Variants in ERI3 observed in about 807,000 individuals in gnomAD.
ERI3 encodes the protein ERI1 exoribonuclease 3.
Under a neutral mutation model 44.4 loss-of-function variants are expected in ERI3, and 18 were observed. That is an observed-to-expected ratio of 0.41 (90% CI 0.28 to 0.60). ERI3 has a LOEUF of 0.60. Among genes scored for constraint, ERI3 ranks in the 20% least tolerant of loss-of-function variants. ERI3 has a pLI of 0.36. For missense variants in ERI3, 294 were observed against 435.5 expected (o/e 0.68, Z 2.89); for synonymous variants, 183 against 164.8 (o/e 1.11, Z -0.84).
rs1644439027 is a variant in ERI3 at position 44,241,713 on chromosome 1, CAG to C, written c.931+6224_931+6225del. Among the ~76,000 whole-genome samples, 1 of 152,090 alleles carries C rather than the reference CAG, an allele frequency of 6.6e-6. No individual in the cohort carries two copies. The highest frequency in any genetic ancestry group is 2.4e-5 in the African/African-American group (1 of 41,404). ...GTCTGCGATGGTTTGACAGGAGATA[CAG>C]AGAGAGACAAGGGGAGGCGAGGCCG... On this transcript the variant is annotated intron_variant, in intron 8 of 8. Transcript: ENST00000372257. This position sits in a 1 kb window ranked among gnomAD's most constrained non-coding sequence, Gnocchi z 5.6.
At chr1:44,350,714 A>T (rs1437123262) in intron 2 of ERI3, among the ~76,000 whole-genome samples, 1 of 152,218 alleles carries the variant, frequency 6.6e-6, no homozygotes, top group Non-Finnish European at 1.5e-5. Flanking sequence ...AGATTCAGTT[A>T]TACTCTTTTT....
intron 7 of ERI3, among the ~76,000 whole-genome samples, chr1:44,262,863 CCTCT>C (rs765086742): frequency 2.0e-5 from 3 of 152,200 alleles, no homozygotes; most frequent in Non-Finnish European, 2.9e-5. Flanking sequence ...TGCTTCCCTC[CCTCT>C]ATTTCCTGCC....
rs144027197 is a variant in ERI3 at position 44,331,262 on chromosome 1, T to C, written c.489+7783A>G. ...GAAGGGTCTAAACCTCCCTGGTCTA[T>C]TGAAGGTAGGTCCTAGCAGATCCAG... On this transcript the variant is annotated intron_variant, in intron 3 of 8. Coordinates refer to ENST00000372257, the MANE Select transcript of ERI3 (RefSeq NM_024066.3). Among the ~76,000 whole-genome samples, 406 of 152,282 alleles carry C rather than the reference T, an allele frequency of 2.7e-3. 1 individual carries two copies. Among genetic ancestry groups the C allele is most frequent in the African/African-American group, 8.8e-3 (364 of 41,548 alleles).
At chr1:44,335,988 C>G (rs1206651263) in intron 3 of ERI3, among the ~76,000 whole-genome samples, 1 of 152,134 alleles carries the variant, frequency 6.6e-6, no homozygotes, top group Non-Finnish European at 1.5e-5. Context: ...AAATCAAGAG[C>G]AAGTTGTTAT....
chr1:44,345,731 T>C (rs995548376), intron 2 of ERI3, among the ~76,000 whole-genome samples: 1 of 152,198 alleles, frequency 6.6e-6, no homozygotes, highest in Admixed American at 6.5e-5. Flanking sequence ...AATGAATATA[T>C]CCTTACTGCC....
chr1:44,339,354 A>AG (rs773035279), intron 2 of ERI3, 32 bp from the exon 3 acceptor site: 3 of 1,491,584 alleles, frequency 2.0e-6, no homozygotes, highest in South Asian at 1.4e-5. Flanking sequence ...AAAAAAAAAA[A>AG]AAAAGAAAAG....
At chr1:44,276,249 A>C (rs147080518) in intron 7 of ERI3, among the ~76,000 whole-genome samples, 8 of 152,324 alleles carry the variant, frequency 5.3e-5, no homozygotes, top group Admixed American at 3.3e-4. Flanking sequence ...AGATCTGGAG[A>C]GGACAAACAT....
intron 3 of ERI3, among the ~76,000 whole-genome samples, chr1:44,323,195 A>C (rs1446764851): frequency 6.6e-6 from 1 of 152,234 alleles, no homozygotes; most frequent in African/African-American, 2.4e-5. Flanking sequence ...ATTTGCATTC[A>C]ATTAAACTAC....
At position 44,281,588 on chromosome 1, in the gene ERI3, G is replaced by GAAAAA. The variant is rs769332763; in HGVS notation, c.831+3242_831+3246dup. On this transcript the variant is annotated intron_variant, in intron 7 of 8. Coordinates refer to ENST00000372257, the MANE Select transcript of ERI3 (RefSeq NM_024066.3). ...GGGTGACAGAGTGAGACCCCGTCTCGAAAAAAAAAAAAAATATATATATAT... is the reference window on the plus strand; with the variant it reads ...GGGTGACAGAGTGAGACCCCGTCTCGAAAAAAAAAAAAAAAAAAATATATATATAT... Among the ~76,000 whole-genome samples, 746 of 103,780 alleles carry GAAAAA rather than the reference G, an allele frequency of 7.2e-3. 14 individuals are homozygous for GAAAAA. The highest frequency in any genetic ancestry group is 0.021 in the African/African-American group (557 of 26,792). 68.1% of individuals were successfully genotyped at this position (103,780 alleles called of 152,430 possible). A position where few individuals can be genotyped will look rare whatever the true frequency, so the allele number is the denominator to read the frequency against.
intron 2 of ERI3, among the ~76,000 whole-genome samples, chr1:44,352,600 G>A (rs1228040024): frequency 6.6e-6 from 1 of 152,212 alleles, no homozygotes; most frequent in East Asian, 1.9e-4. Context: ...TAAAGCAGTT[G>A]TGACAGAACT....
Position 44,244,839 on chromosome 1 carries a change from G to A in ERI3, c.931+3100C>T, listed in dbSNP as rs151064733. ...CACCCGTCACCCCAAGTCTGCCTCC[G>A]TGTTCTCTCAGCACCTCCACACCAC... On this transcript the variant is annotated intron_variant, in intron 8 of 8. Coordinates refer to ENST00000372257, the MANE Select transcript of ERI3 (RefSeq NM_024066.3). Among the ~76,000 whole-genome samples, 147 of 151,974 alleles carry A rather than the reference G, an allele frequency of 9.7e-4. 1 individual carries two copies. Among genetic ancestry groups the A allele is most frequent in the Non-Finnish European group, 1.7e-3 (113 of 67,958 alleles).
chr1:44,247,820 T>G, intron 8 of ERI3, 119 bp downstream of exon 8: 1 of 675,112 alleles, frequency 1.5e-6, no homozygotes, highest in Non-Finnish European at 2.4e-6. Flanking sequence ...CCCACCTATG[T>G]AGAGAGCCCT....
intron 3 of ERI3, chr1:44,323,063 G>A: frequency 1.4e-6 from 1 of 704,948 alleles, no homozygotes; most frequent in Non-Finnish European, 2.0e-6. Flanking sequence ...CTAGGAAGAG[G>A]TTTATTTCAG....
intron 3 of ERI3, among the ~76,000 whole-genome samples, chr1:44,336,553 TA>T (rs5773827): frequency 0.72 from 109,448 of 152,044 alleles, 39,466 homozygotes; most frequent in East Asian, 0.81. Context: ...AGCAAGAAGT[TA>T]AGATTGATCT....
intron 3 of ERI3, 100 bp from the exon 4 acceptor site, chr1:44,319,844 T>C: frequency 1.1e-6 from 1 of 933,272 alleles, no homozygotes; most frequent in Non-Finnish European, 1.7e-6. Context: ...TTTGGATTCA[T>C]TAGTGTTTTG....
At chr1:44,292,946 T>A (rs755538532) in intron 6 of ERI3, among the ~76,000 whole-genome samples, 43 of 152,138 alleles carry the variant, frequency 2.8e-4, no homozygotes, top group South Asian at 1.2e-3. Context: ...GCCCATCAGC[T>A]TTAAATATCA....
At chr1:44,319,899 G>A (rs75262528) in intron 3 of ERI3, 155 bp from the exon 4 acceptor site, 25,584 of 630,654 alleles carry the variant, frequency 0.041, 599 homozygotes, top group African/African-American at 0.064. Flanking sequence ...TGAGTGAGAC[G>A]GCACCAGCAG....
At chr1:44,340,676 A>G (rs1489574615) in intron 2 of ERI3, among the ~76,000 whole-genome samples, 5 of 152,056 alleles carry the variant, frequency 3.3e-5, no homozygotes, top group African/African-American at 1.2e-4. Context: ...GTAGGTCCTC[A>G]ATTTCCCTAT....
At chr1:44,342,858 T>TAAATATATATATATATATATA (rs1408660607) in intron 2 of ERI3, among the ~76,000 whole-genome samples, 1 of 11,372 alleles carries the variant, frequency 8.8e-5, no homozygotes, top group Non-Finnish European at 1.6e-4. Context: ...TATATATATA[T>TAAATATATATATATATATATA]TTTTTTTTTT....
Sources: gnomAD v4.1 joint callset for allele counts (sites outside exome capture counted in the v4.1 genomes callset) on GRCh38, gnomAD v4.1.1 for gene constraint, Gnocchi (gnomAD v3.1) non-coding constraint, MANE v1.5 for transcripts, NCBI Gene and HGNC (gene_info 2026-07-23, HGNC 2026-07-21) for gene names.